ANO6: variants seen among roughly 807,000 people sequenced by gnomAD.
ANO6 encodes anoctamin-6.
ANO6 carries 106 observed loss-of-function variants against 117.5 expected under a neutral mutation model. That is an observed-to-expected ratio of 0.90 (90% CI 0.77 to 1.06). ANO6 has a LOEUF of 1.06. Ranked by LOEUF, ANO6 falls within the 50% of genes least tolerant of loss-of-function variation. The pLI is 0.00. For missense variants in ANO6, 955 were observed against 1,121.1 expected (o/e 0.85, Z 2.12); for synonymous variants, 367 against 385.1 (o/e 0.95, Z 0.55).
At chr12:45,342,798 A>C (rs1195480783) in intron 3 of ANO6, among the ~76,000 whole-genome samples, 1 of 152,228 alleles carries the variant, frequency 6.6e-6, no homozygotes, top group African/African-American at 2.4e-5. Flanking sequence ...GTAATTGAAC[A>C]GTAGGCAGGG....
At chr12:45,325,606 G>A (rs1183527041) in intron 2 of ANO6, among the ~76,000 whole-genome samples, 2 of 152,216 alleles carry the variant, frequency 1.3e-5, no homozygotes, top group East Asian at 3.9e-4. Context: ...CAGTGCAAAT[G>A]GATGATGATG....
intron 12 of ANO6, among the ~76,000 whole-genome samples, chr12:45,401,100 C>G (rs996596287): frequency 1.3e-5 from 2 of 152,158 alleles, no homozygotes; most frequent in Non-Finnish European, 2.9e-5. Context: ...AAATGACTGC[C>G]AGTTTAAGGT....
intron 9 of ANO6, among the ~76,000 whole-genome samples, chr12:45,372,866 A>C (rs1941885998): frequency 6.6e-6 from 1 of 152,230 alleles, no homozygotes; most frequent in African/African-American, 2.4e-5. Flanking sequence ...TAACAATATT[A>C]ACTTTAAATG....
chr12:45,260,797 T>C (rs1370279279), intron 1 of ANO6, among the ~76,000 whole-genome samples: 1 of 152,124 alleles, frequency 6.6e-6, no homozygotes, highest in Non-Finnish European at 1.5e-5. Flanking sequence ...TATTTATTTT[T>C]TTTTAAGAGA....
At chr12:45,405,700 G>A (rs894942058) in intron 15 of ANO6, among the ~76,000 whole-genome samples, 3 of 152,022 alleles carry the variant, frequency 2.0e-5, no homozygotes, top group Non-Finnish European at 2.9e-5. Context: ...ACCTGAGGTC[G>A]GGAGTTCGAG....
intron 1 of ANO6, among the ~76,000 whole-genome samples, chr12:45,280,983 T>C (rs1938711889): frequency 6.6e-6 from 1 of 152,176 alleles, no homozygotes. Context: ...TTCTGATAAA[T>C]GTTAATGCCT....
intron 2 of ANO6, among the ~76,000 whole-genome samples, chr12:45,317,113 G>GTGTGTGTGTATATACATATATA: frequency 1.5e-4 from 10 of 66,448 alleles, no homozygotes; most frequent in Non-Finnish European, 3.7e-4. Flanking sequence ...CTTTTTATAT[G>GTGTGTGTGTATATACATATATA]TATATATATA....
chr12:45,260,873 A>T (rs1286820851), intron 1 of ANO6, among the ~76,000 whole-genome samples: 1 of 152,042 alleles, frequency 6.6e-6, no homozygotes, highest in African/African-American at 2.4e-5. Context: ...CCACAGCCTC[A>T]AACTGTTGGG....
At chr12:45,346,994 T>A (rs1941150524) in intron 3 of ANO6, 28 bp from the exon 4 acceptor site, 4 of 1,590,960 alleles carry the variant, frequency 2.5e-6, no homozygotes, top group Non-Finnish European at 3.4e-6. Flanking sequence ...ACTAAAGGTC[T>A]AACATATATT....
chr12:45,303,502 G>T (rs1252176714), intron 2 of ANO6, among the ~76,000 whole-genome samples: 1 of 152,168 alleles, frequency 6.6e-6, no homozygotes, highest in Non-Finnish European at 1.5e-5. Flanking sequence ...TGTGCAACAA[G>T]GTGTTGGTGC....
intron 3 of ANO6, among the ~76,000 whole-genome samples, chr12:45,338,941 G>A (rs185620010): frequency 6.6e-6 from 1 of 152,138 alleles, no homozygotes; most frequent in African/African-American, 2.4e-5. Flanking sequence ...CCCTTTTTCT[G>A]ATTGCTCCTC....
chr12:45,378,033 A>C lies in ANO6; in HGVS notation c.1105-20A>C. 1 of 1,598,806 alleles carries C rather than the reference A, an allele frequency of 6.3e-7. No individual in the cohort carries two copies. The highest frequency in any genetic ancestry group is 8.6e-7 in the Non-Finnish European group (1 of 1,166,490). On this transcript the variant is annotated intron_variant, in intron 9 of 19. Transcript: ENST00000320560. ...TAAGTGGAGGATATGACTCATTTAT[A>C]TGTCATTTATATTTTCCAGAAATTG...
intron 1 of ANO6, among the ~76,000 whole-genome samples, chr12:45,291,957 T>A (rs901048877): frequency 6.6e-6 from 1 of 152,124 alleles, no homozygotes; most frequent in Non-Finnish European, 1.5e-5. Context: ...CAGTTCCAAA[T>A]CCTAGATATA....
chr12:45,226,494 T>C (rs1294985977), intron 1 of ANO6, among the ~76,000 whole-genome samples: 2 of 152,152 alleles, frequency 1.3e-5, no homozygotes, highest in Non-Finnish European at 1.5e-5. Context: ...GGCAGAACTT[T>C]AGCCTTAGGT....
intron 1 of ANO6, among the ~76,000 whole-genome samples, chr12:45,268,036 A>AT (rs1938277019): frequency 6.6e-6 from 1 of 152,188 alleles, no homozygotes; most frequent in Non-Finnish European, 1.5e-5. Flanking sequence ...GGCCAGGTGC[A>AT]TTTTTTAATG....
Position 45,363,302 on chromosome 12 carries a change from G to A in ANO6, c.999-4386G>A, listed in dbSNP as rs11829515. ...ATCTGGGCTGAGTGCGGTGGCTCAC[G>A]CCTGTAATCCCACAACTTTTGGGAG... On this transcript the variant is annotated intron_variant, in intron 8 of 19. Coordinates refer to ENST00000320560, the MANE Select transcript of ANO6 (RefSeq NM_001025356.3). Among the ~76,000 whole-genome samples the A allele has an allele frequency of 6.4e-3, 977 of 152,184 alleles. 16 individuals are homozygous for A. Among genetic ancestry groups the A allele is most frequent in the African/African-American group, 0.021 (884 of 41,520 alleles).
intron 8 of ANO6, among the ~76,000 whole-genome samples, chr12:45,358,148 A>C (rs1204946118): frequency 6.6e-6 from 1 of 152,252 alleles, no homozygotes; most frequent in African/African-American, 2.4e-5. Context: ...TCTGGCTGCT[A>C]TCCAGGTGTG....
At chr12:45,417,898 C>T (rs1199589479) in intron 17 of ANO6, among the ~76,000 whole-genome samples, 1 of 152,184 alleles carries the variant, frequency 6.6e-6, no homozygotes, top group Non-Finnish European at 1.5e-5. Flanking sequence ...AACTCCACTT[C>T]CCAGCACTGT....
At chr12:45,419,558 C>A (rs1287953821) in intron 17 of ANO6, among the ~76,000 whole-genome samples, 1 of 152,004 alleles carries the variant, frequency 6.6e-6, no homozygotes, top group Non-Finnish European at 1.5e-5. Context: ...ATAGAAAAGC[C>A]CCCTAATTGT....
Sources: allele counts gnomAD v4.1 joint callset (sites outside exome capture counted in the v4.1 genomes callset), GRCh38; gene constraint gnomAD v4.1.1; transcripts MANE v1.5; gene names NCBI Gene and HGNC (gene_info 2026-07-23, HGNC 2026-07-21).